Variants in CAMTA1 observed in about 807,000 individuals in gnomAD.
CAMTA1 encodes the protein calmodulin-binding transcription activator 1.
Under a neutral mutation model 170.9 loss-of-function variants are expected in CAMTA1, and 27 were observed. The observed-to-expected ratio is 0.16, with a 90% CI of 0.12 to 0.22. The LOEUF is 0.22. CAMTA1 is among the 10% of genes least tolerant of loss of function. The probability of loss-of-function intolerance (pLI) is 1.00; values close to 1 mark genes in which losing one functional copy is unlikely to be tolerated. For synonymous variants in CAMTA1, 833 were observed against 891.5 expected, an observed-to-expected ratio of 0.93 and a Z score of 1.17; for missense variants, 1,619 against 2,217.2, an observed-to-expected ratio of 0.73 and a Z score of 5.42.
At chr1:7,751,813 A>C (rs1356075621) in intron 20 of CAMTA1, among the ~76,000 whole-genome samples, 1 of 152,184 alleles carries the variant, frequency 6.6e-6, no homozygotes, top group Non-Finnish European at 1.5e-5. Flanking sequence ...TTTCAATGTG[A>C]AAATAAAATA....
At chr1:7,725,423 C>T (rs1251515779) in intron 11 of CAMTA1, among the ~76,000 whole-genome samples, 1 of 152,138 alleles carries the variant, frequency 6.6e-6, no homozygotes, top group African/African-American at 2.4e-5. Flanking sequence ...AAATCGTTTT[C>T]GAGTATCGCC....
intron 6 of CAMTA1, among the ~76,000 whole-genome samples, chr1:7,639,002 A>G (rs1011370670): frequency 6.6e-6 from 1 of 152,258 alleles, no homozygotes; most frequent in East Asian, 1.9e-4. Flanking sequence ...TTTTTGAGAC[A>G]GAGTCTCGCT....
chr1:7,185,310 G>GC (rs780786252), intron 4 of CAMTA1, among the ~76,000 whole-genome samples: 1 of 152,134 alleles, frequency 6.6e-6, no homozygotes, highest in Non-Finnish European at 1.5e-5. Flanking sequence ...CTAAAAGGTA[G>GC]CAGGGTGATA....
chr1:7,484,477 G>A (rs939211963), intron 6 of CAMTA1, among the ~76,000 whole-genome samples: 1 of 152,140 alleles, frequency 6.6e-6, no homozygotes, highest in African/African-American at 2.4e-5. Flanking sequence ...GCACAGGGTC[G>A]GACATAGACC....
chr1:7,680,073 AG>A lies in CAMTA1; in HGVS notation c.2914+2344del, dbSNP rs2096172502. ...AGCTTGATAAATACTAAGGGAGGGGAGGGGAAGCAGCGCCGCAGTCGCAGCG... is the reference window on the plus strand; with the variant it reads ...AGCTTGATAAATACTAAGGGAGGGGAGGGAAGCAGCGCCGCAGTCGCAGCG... On this transcript the variant is annotated intron_variant, in intron 11 of 22. Coordinates refer to ENST00000303635, the MANE Select transcript of CAMTA1 (RefSeq NM_015215.4). This position sits in a 1 kb window ranked among gnomAD's most constrained non-coding sequence, Gnocchi z 4.4. The A allele has an allele frequency of 6.2e-6, 1 of 162,484 alleles. No individual in the cohort carries two copies. Among genetic ancestry groups the A allele is most frequent in the South Asian group, 1.2e-4 (1 of 8,188 alleles). The allele number at this position is 162,484 out of a possible 1,614,324, so 10.1% of individuals were successfully genotyped here.
intron 3 of CAMTA1, among the ~76,000 whole-genome samples, chr1:6,894,904 A>C (rs1292502339): frequency 6.6e-6 from 1 of 152,222 alleles, no homozygotes; most frequent in Non-Finnish European, 1.5e-5. Flanking sequence ...TGGTAAAAGG[A>C]AGCAGAAAAT....
At chr1:6,848,387 G>A (rs1371311836) in intron 3 of CAMTA1, among the ~76,000 whole-genome samples, 4 of 152,166 alleles carry the variant, frequency 2.6e-5, no homozygotes, top group South Asian at 2.1e-4. Flanking sequence ...AGTCTCAAGT[G>A]GTCCTCCCGT....
chr1:7,271,304 A>G (rs768511955), intron 5 of CAMTA1, among the ~76,000 whole-genome samples: 1 of 152,208 alleles, frequency 6.6e-6, no homozygotes, highest in Non-Finnish European at 1.5e-5. Context: ...AACTCTCATC[A>G]GAAACAAATT....
chr1:7,169,150 G>C (rs753175999), intron 4 of CAMTA1, among the ~76,000 whole-genome samples: 3 of 151,992 alleles, frequency 2.0e-5, no homozygotes, highest in Non-Finnish European at 4.4e-5. Context: ...ACTTGTTCAT[G>C]GTTTATTATT....
intron 5 of CAMTA1, among the ~76,000 whole-genome samples, chr1:7,350,964 C>T (rs559884849): frequency 7.9e-5 from 12 of 152,224 alleles, no homozygotes; most frequent in Non-Finnish European, 1.6e-4. Context: ...CAGGGCTTCC[C>T]GGTAGGGCAC....
intron 1 of CAMTA1, among the ~76,000 whole-genome samples, chr1:6,813,696 A>T (rs906288933): frequency 6.6e-6 from 1 of 152,002 alleles, no homozygotes; most frequent in African/African-American, 2.4e-5. Context: ...CTCACAGCTC[A>T]CTGCAGCCTT....
At chr1:7,578,400 C>T (rs909121104) in intron 6 of CAMTA1, among the ~76,000 whole-genome samples, 1 of 152,194 alleles carries the variant, frequency 6.6e-6, no homozygotes, top group Non-Finnish European at 1.5e-5. Context: ...CCGCCAGGCT[C>T]TCACAGCAGC....
At chr1:7,499,004 G>A (rs2093906576) in intron 6 of CAMTA1, among the ~76,000 whole-genome samples, 1 of 113,954 alleles carries the variant, frequency 8.8e-6, no homozygotes, top group Non-Finnish European at 1.8e-5. Context: ...ATATGAGTGT[G>A]TGTGCATGTG....
chr1:7,394,136 T>C (rs2089026621), intron 5 of CAMTA1, among the ~76,000 whole-genome samples: 1 of 152,228 alleles, frequency 6.6e-6, no homozygotes, highest in Non-Finnish European at 1.5e-5. Context: ...GTCTTGGCTA[T>C]TGTGAATAGT....
chr1:7,318,581 A>T (rs1025757587), intron 5 of CAMTA1, among the ~76,000 whole-genome samples: 2 of 152,178 alleles, frequency 1.3e-5, no homozygotes, highest in African/African-American at 2.4e-5. Context: ...TGACTGTATG[A>T]AAGGGGTTTT....
intron 3 of CAMTA1, among the ~76,000 whole-genome samples, chr1:7,060,465 C>T (rs747191252): frequency 6.6e-6 from 1 of 152,222 alleles, no homozygotes; most frequent in Non-Finnish European, 1.5e-5. Context: ...CTGCCGTCTC[C>T]AAATCCAGTC....
At chr1:7,701,783 A>G (rs2096443101) in intron 11 of CAMTA1, among the ~76,000 whole-genome samples, 1 of 152,134 alleles carries the variant, frequency 6.6e-6, no homozygotes, top group South Asian at 2.1e-4. Flanking sequence ...CTCATAACTG[A>G]GTATTCTTTT....
chr1:7,342,106 A>T (rs763099159), intron 5 of CAMTA1, among the ~76,000 whole-genome samples: 1 of 152,228 alleles, frequency 6.6e-6, no homozygotes, highest in African/African-American at 2.4e-5. Context: ...CAGTTTCCTC[A>T]TTGAAAATAA....
Position 6,862,275 on chromosome 1 carries a change from G to T in CAMTA1, c.234+37065G>T, listed in dbSNP as rs529318528. On this transcript the variant is annotated intron_variant, in intron 3 of 22. Transcript: ENST00000303635. ...GGCGTGAGCCACCACGCCCAGCCTA[G>T]TATTTGTCTTTTTTTGTGACTGGTC... is the stretch of plus-strand genomic sequence containing the variant. Among the ~76,000 whole-genome samples, 96 of 152,282 alleles carry T rather than the reference G, an allele frequency of 6.3e-4. No individual in the cohort carries two copies. The Middle Eastern group carries it at 0.01, about 16-fold the overall frequency.
Sources: allele counts gnomAD v4.1 joint callset (sites outside exome capture counted in the v4.1 genomes callset), GRCh38; gene constraint gnomAD v4.1.1; non-coding constraint Gnocchi (gnomAD v3.1); transcripts MANE v1.5; gene names NCBI Gene and HGNC (gene_info 2026-07-23, HGNC 2026-07-21).